PTPRD: variants seen among roughly 807,000 people sequenced by gnomAD.
The protein encoded by PTPRD is receptor-type tyrosine-protein phosphatase delta.
PTPRD carries 34 observed loss-of-function variants against 214.5 expected under a neutral mutation model. The observed-to-expected ratio is 0.16, with a 90% CI of 0.12 to 0.21. PTPRD has a LOEUF of 0.21. PTPRD is among the 10% of genes least tolerant of loss of function. The pLI is 1.00. For missense variants in PTPRD, 2,545 were observed against 2,398.7 expected (o/e 1.06, Z -1.27); for synonymous variants, 1,128 against 845.7 (o/e 1.33, Z -5.79).
intron 3 of PTPRD, among the ~76,000 whole-genome samples, chr9:10,255,320 C>A (rs2475327): frequency 1.6e-3 from 245 of 152,166 alleles, no homozygotes; most frequent in African/African-American, 5.1e-3. Context: ...ACAGTATAGC[C>A]TACCTATTGC....
intron 5 of PTPRD, among the ~76,000 whole-genome samples, chr9:9,923,499 C>T (rs147462778): frequency 1.1e-3 from 165 of 151,768 alleles, no homozygotes; most frequent in African/African-American, 3.6e-3. Flanking sequence ...AAAAATCGAT[C>T]TCCAAACGAA....
At chr9:8,770,076 T>C (rs1163813506) in intron 11 of PTPRD, among the ~76,000 whole-genome samples, 1 of 151,216 alleles carries the variant, frequency 6.6e-6, no homozygotes, top group East Asian at 1.9e-4. Context: ...AGGTCAGGAG[T>C]TTAAGACCAG....
rs972351200 is a variant in PTPRD at position 8,315,561 on chromosome 9, T to C, written c.*2313A>G. On this transcript the variant is annotated 3_prime_UTR_variant, in exon 46 of 46. Coordinates refer to ENST00000381196, the MANE Select transcript of PTPRD (RefSeq NM_002839.4). ...TGATAACAGACCCACATAGTGCACA[T>C]TCTTCTCTGGTTCTGATGTAGGTTA... 8.7e-6 allele frequency: 2 copies of C among 230,956 alleles called. No homozygotes were observed. The highest frequency in any genetic ancestry group is 4.4e-5 in the African/African-American group (2 of 45,184). 14.3% of individuals were successfully genotyped at this position (230,956 alleles called of 1,614,324 possible). A position where few individuals can be genotyped will look rare whatever the true frequency, so the allele number is the denominator to read the frequency against.
In PTPRD at chr9:8,327,823, A is replaced by G. The variant is rs575187275; in HGVS notation, c.5534+3759T>C. Among the ~76,000 whole-genome samples the G allele has an allele frequency of 4.6e-5, 7 of 152,278 alleles. No individual in the cohort carries two copies. In the South Asian group the frequency reaches 1.5e-3, roughly 32 times the overall value. On this transcript the variant is annotated intron_variant, in intron 44 of 45. Transcript: ENST00000381196. ...TGGTTTAAAGTCCGTTTTATCAGAG[A>G]CTAGGATTGTATCCCCTGCTTTGTT...
intron 11 of PTPRD, among the ~76,000 whole-genome samples, chr9:8,990,297 T>A (rs1589394367): frequency 6.6e-6 from 1 of 152,180 alleles, no homozygotes; most frequent in Admixed American, 6.6e-5. Context: ...TGATTCTGCA[T>A]CAGTTACGTG....
chr9:8,802,177 A>C (rs2096585083), intron 11 of PTPRD, among the ~76,000 whole-genome samples: 1 of 152,152 alleles, frequency 6.6e-6, no homozygotes, highest in Non-Finnish European at 1.5e-5. Context: ...ATAAACTCTA[A>C]CTAGAGAAAG....
intron 2 of PTPRD, among the ~76,000 whole-genome samples, chr9:10,361,715 C>G (rs1598099677): frequency 1.3e-5 from 2 of 152,182 alleles, no homozygotes. Flanking sequence ...TTTACCATTC[C>G]TGTTAGGTAT....
At chr9:10,308,421 G>A in intron 3 of PTPRD, among the ~76,000 whole-genome samples, 1 of 151,896 alleles carries the variant, frequency 6.6e-6, no homozygotes, top group Non-Finnish European at 1.5e-5. Context: ...ATTAGTCTAT[G>A]TGTCTGTTTT....
At chr9:8,577,981 A>C (rs983868162) in intron 14 of PTPRD, among the ~76,000 whole-genome samples, 1 of 152,204 alleles carries the variant, frequency 6.6e-6, no homozygotes, top group Non-Finnish European at 1.5e-5. Flanking sequence ...GATGGTTTTC[A>C]TCTTCCTTTC....
chr9:9,573,933 AAC>A (rs2087463664), intron 8 of PTPRD, among the ~76,000 whole-genome samples: 1 of 151,872 alleles, frequency 6.6e-6, no homozygotes, highest in Non-Finnish European at 1.5e-5. Context: ...AGTTTTAATC[AAC>A]TGCCTTTGTG....
At chr9:8,977,879 G>A (rs555184716) in intron 11 of PTPRD, among the ~76,000 whole-genome samples, 1 of 151,976 alleles carries the variant, frequency 6.6e-6, no homozygotes, top group Non-Finnish European at 1.5e-5. Flanking sequence ...ACGTAATATA[G>A]CAGGTCTTAC....
At chr9:9,001,775 ACT>A (rs1387337162) in intron 11 of PTPRD, among the ~76,000 whole-genome samples, 1 of 151,962 alleles carries the variant, frequency 6.6e-6, no homozygotes, top group Non-Finnish European at 1.5e-5. Context: ...TTGACTTTTA[ACT>A]CTCTGATTTC....
chr9:8,696,086 G>T (rs999130575), intron 12 of PTPRD, among the ~76,000 whole-genome samples: 1 of 152,168 alleles, frequency 6.6e-6, no homozygotes, highest in African/African-American at 2.4e-5. Flanking sequence ...CCAGAAACTG[G>T]ATCAGCAGAG....
At chr9:8,597,174 T>C (rs2094520482) in intron 14 of PTPRD, among the ~76,000 whole-genome samples, 1 of 152,164 alleles carries the variant, frequency 6.6e-6, no homozygotes, top group Admixed American at 6.5e-5. Flanking sequence ...GGAATCTTTC[T>C]GTTTTCCTAG....
chr9:8,316,178 C>A lies in PTPRD; in HGVS notation c.*1696G>T, dbSNP rs1242585114. On this transcript the variant is annotated 3_prime_UTR_variant, in exon 46 of 46. Coordinates refer to ENST00000381196, the MANE Select transcript of PTPRD (RefSeq NM_002839.4). Reference sequence around the variant, plus strand: ...TGCTTTGGGCTGGTACAATCACTAACATCCCCGACTTGGCTGAAAACTAGG... The same window carrying A: ...TGCTTTGGGCTGGTACAATCACTAAAATCCCCGACTTGGCTGAAAACTAGG... The A allele has an allele frequency of 3.0e-5, 7 of 229,624 alleles. No homozygotes were observed. The allele number at this position is 229,624 out of a possible 1,614,324, so 14.2% of individuals were successfully genotyped here. A position where few individuals can be genotyped will look rare whatever the true frequency, so the allele number is the denominator to read the frequency against.
chr9:10,057,581 C>T (rs1233784603), intron 3 of PTPRD, among the ~76,000 whole-genome samples: 1 of 152,150 alleles, frequency 6.6e-6, no homozygotes, highest in Admixed American at 6.6e-5. Flanking sequence ...TAGTGTGGCT[C>T]ACGCCTGTAA....
intron 3 of PTPRD, among the ~76,000 whole-genome samples, chr9:10,080,253 A>G (rs1367399741): frequency 1.3e-5 from 2 of 152,172 alleles, no homozygotes; most frequent in Admixed American, 1.3e-4. Flanking sequence ...TTCACACTAA[A>G]GGAAAATCAG....
At chr9:9,190,093 T>G (rs888886348) in intron 9 of PTPRD, among the ~76,000 whole-genome samples, 1 of 152,120 alleles carries the variant, frequency 6.6e-6, no homozygotes, top group Non-Finnish European at 1.5e-5. Context: ...GTTCATGTGT[T>G]GGAAACTTAA....
chr9:8,793,668 C>T (rs891201695), intron 11 of PTPRD, among the ~76,000 whole-genome samples: 3 of 152,054 alleles, frequency 2.0e-5, no homozygotes, highest in Non-Finnish European at 4.4e-5. Context: ...CAGAGGTTTG[C>T]CAAATAACCA....
Sources: gnomAD v4.1 joint callset for allele counts (sites outside exome capture counted in the v4.1 genomes callset) on GRCh38, gnomAD v4.1.1 for gene constraint, MANE v1.5 for transcripts, NCBI Gene and HGNC (gene_info 2026-07-23, HGNC 2026-07-21) for gene names.